The following CEP63 variants were observed in gnomAD, a reference collection of about 807,000 sequenced individuals.
The protein encoded by CEP63 is centrosomal protein of 63 kDa.
Under a neutral mutation model 89.1 loss-of-function variants are expected in CEP63, and 84 were observed. The ratio of observed to expected loss-of-function variants is 0.94; its 90% CI spans 0.79 to 1.13. The LOEUF (loss-of-function observed/expected upper bound fraction) is 1.13, where lower values mean the gene tolerates loss of function less well. Ranked by LOEUF, CEP63 falls within the 50% of genes most tolerant of loss-of-function variation. CEP63 has a pLI of 0.00. For synonymous variants in CEP63, 267 were observed against 272.5 expected, an observed-to-expected ratio of 0.98 and a Z score of 0.20; for missense variants, 838 against 813.3, an observed-to-expected ratio of 1.03 and a Z score of -0.37.
chr3:134,486,592 C>A, intron 1 of CEP63: 1 of 900,892 alleles, frequency 1.1e-6, no homozygotes, highest in Non-Finnish European at 1.3e-6. Context: ...CTCACCTTCC[C>A]CGGCGGACCC....
At chr3:134,644,492 G>C in the CEP63 span, among the ~76,000 whole-genome samples, 1 of 152,200 alleles carries the variant, frequency 6.6e-6, no homozygotes, top group Non-Finnish European at 1.5e-5. Context: ...TGGGGGGAAG[G>C]CTGGGCAAGG....
the CEP63 span, chr3:134,610,708 C>T: frequency 1.7e-5 from 4 of 228,716 alleles, no homozygotes; most frequent in Non-Finnish European, 2.5e-5. Context: ...TCAAGCAGCT[C>T]TTCAGGAGGA....
At chr3:134,507,586 A>G (rs942784987) in intron 3 of CEP63, among the ~76,000 whole-genome samples, 2 of 152,180 alleles carry the variant, frequency 1.3e-5, no homozygotes, top group Non-Finnish European at 2.9e-5. Flanking sequence ...ACATGTTTAT[A>G]TTAACATTCA....
At chr3:134,734,277 T>C in the CEP63 span, among the ~76,000 whole-genome samples, 3 of 152,070 alleles carry the variant, frequency 2.0e-5, no homozygotes, top group African/African-American at 7.2e-5. Context: ...TTTGTACCTC[T>C]TTATACTACT....
At chr3:134,596,969 C>T in the CEP63 span, among the ~76,000 whole-genome samples, 2 of 152,182 alleles carry the variant, frequency 1.3e-5, no homozygotes, top group African/African-American at 4.8e-5. Flanking sequence ...CAGGAAAAGA[C>T]GTCCTGGCTA....
the CEP63 span, chr3:134,610,559 G>T: frequency 5.8e-5 from 35 of 605,448 alleles, no homozygotes; most frequent in African/African-American, 5.8e-4. Flanking sequence ...TCGGGGCACT[G>T]GGGACAGGGA....
chr3:134,601,440 G>T, the CEP63 span, among the ~76,000 whole-genome samples: 1 of 152,228 alleles, frequency 6.6e-6, no homozygotes, highest in Admixed American at 6.5e-5. Context: ...GGCAGCCAGC[G>T]CGGGGTCCAG....
At chr3:134,601,919 C>A in the CEP63 span, among the ~76,000 whole-genome samples, 5 of 152,240 alleles carry the variant, frequency 3.3e-5, no homozygotes, top group Non-Finnish European at 7.3e-5. Context: ...TTTCCTCACC[C>A]TGTACTCTGG....
At chr3:134,561,301 A>C in intron 14 of CEP63, 76 bp from the exon 15 acceptor site, 4 of 1,406,454 alleles carry the variant, frequency 2.8e-6, no homozygotes, top group Non-Finnish European at 4.0e-6. Context: ...GCTAGTTAGA[A>C]AATGTCATGA....
Position 134,487,569 on chromosome 3 carries a change from A to G in CEP63, c.-26+1367A>G, listed in dbSNP as rs113825445. Reference sequence around the variant, plus strand: ...CACTCTGTCATTGCTTCCTGCTTTCAAAAAATGTCAACTTGACTTGAAATT... The same window carrying G: ...CACTCTGTCATTGCTTCCTGCTTTCGAAAAATGTCAACTTGACTTGAAATT... On this transcript the variant is annotated intron_variant, in intron 1 of 14. Transcript: ENST00000675561. Among the ~76,000 whole-genome samples, 255 of 152,308 alleles carry G rather than the reference A, an allele frequency of 1.7e-3. 1 individual carries two copies. Among genetic ancestry groups the G allele is most frequent in the African/African-American group, 5.9e-3 (246 of 41,562 alleles).
intron 1 of CEP63, among the ~76,000 whole-genome samples, chr3:134,488,373 G>A (rs937848735): frequency 6.6e-6 from 1 of 152,108 alleles, no homozygotes; most frequent in Non-Finnish European, 1.5e-5. Flanking sequence ...CAGCACTTTG[G>A]GAGGCCGAGG....
the CEP63 span, among the ~76,000 whole-genome samples, chr3:134,657,937 C>T: frequency 6.6e-6 from 1 of 152,134 alleles, no homozygotes; most frequent in Non-Finnish European, 1.5e-5. Flanking sequence ...CGTTCTGTCA[C>T]CCAGGCTGGA....
chr3:134,725,290 A>T, the CEP63 span, among the ~76,000 whole-genome samples: 2 of 152,016 alleles, frequency 1.3e-5, no homozygotes, highest in African/African-American at 4.8e-5. Flanking sequence ...CTAATTTGGG[A>T]TACAATTTTG....
the CEP63 span, among the ~76,000 whole-genome samples, chr3:134,707,179 T>C: frequency 6.6e-6 from 1 of 152,206 alleles, no homozygotes; most frequent in Non-Finnish European, 1.5e-5. Flanking sequence ...CTAGGTTCTG[T>C]CCTAGAGTGG....
At chr3:134,767,939 T>C in the CEP63 span, among the ~76,000 whole-genome samples, 2 of 152,176 alleles carry the variant, frequency 1.3e-5, no homozygotes. Context: ...TGATGGATGA[T>C]TATTGATCAG....
chr3:134,592,123 G>A (rs1277245477), downstream of CEP63, among the ~76,000 whole-genome samples: 4 of 152,164 alleles, frequency 2.6e-5, no homozygotes, highest in East Asian at 7.7e-4. Flanking sequence ...CCTCACAGGA[G>A]CTGCTTCCAA....
chr3:134,514,410 T>C (rs560521409), intron 3 of CEP63, among the ~76,000 whole-genome samples: 1 of 152,174 alleles, frequency 6.6e-6, no homozygotes, highest in East Asian at 1.9e-4. Context: ...ACAAAAGATA[T>C]TTGGAGAGAT....
the CEP63 span, among the ~76,000 whole-genome samples, chr3:134,730,759 A>G: frequency 6.6e-6 from 1 of 152,122 alleles, no homozygotes; most frequent in Admixed American, 6.6e-5. Context: ...CACTGGAGAA[A>G]TTATTCTATG....
chr3:134,581,917 C>T (rs961137666), intron 10 of CEP63, among the ~76,000 whole-genome samples: 9 of 151,728 alleles, frequency 5.9e-5, no homozygotes, highest in South Asian at 2.1e-4. Context: ...CCTCGTGATC[C>T]GCCCGCCTCG....
Sources: gnomAD v4.1 joint callset for allele counts (sites outside exome capture counted in the v4.1 genomes callset) on GRCh38, gnomAD v4.1.1 for gene constraint, MANE v1.5 for transcripts, NCBI Gene and HGNC (gene_info 2026-07-23, HGNC 2026-07-21) for gene names.